The following SLC39A11 variants were observed in gnomAD, a reference collection of about 807,000 sequenced individuals.
SLC39A11 encodes solute carrier family 39 member 11.
SLC39A11 carries 33 observed loss-of-function variants against 36.1 expected under a neutral mutation model. The observed-to-expected ratio is 0.91, with a 90% confidence interval of 0.69 to 1.22. The LOEUF is 1.22. Among genes scored for constraint, SLC39A11 ranks in the 50% most tolerant of loss-of-function variants. The probability of loss-of-function intolerance (pLI) is 0.00; values close to 1 mark genes in which losing one functional copy is unlikely to be tolerated. For missense variants in SLC39A11, 432 were observed against 430.3 expected, an observed-to-expected ratio of 1.00 and a Z score of -0.03; for synonymous variants, 166 against 170.3, an observed-to-expected ratio of 0.97 and a Z score of 0.20.
chr17:72,959,239 T>C (rs1296828877), intron 4 of SLC39A11, among the ~76,000 whole-genome samples: 1 of 150,202 alleles, frequency 6.7e-6, no homozygotes, highest in Non-Finnish European at 1.5e-5. Flanking sequence ...CAGCACAATT[T>C]ACAACTGCAA....
chr17:73,009,334 G>T (rs1317603509), intron 4 of SLC39A11, among the ~76,000 whole-genome samples: 4 of 139,868 alleles, frequency 2.9e-5, no homozygotes, highest in African/African-American at 8.1e-5. Context: ...CATCCTGGGG[G>T]ACAGAGCGAG....
chr17:72,964,640 G>A (rs2086835381), intron 4 of SLC39A11, among the ~76,000 whole-genome samples: 1 of 152,308 alleles, frequency 6.6e-6, no homozygotes, highest in East Asian at 1.9e-4. Context: ...ATGAAACCAG[G>A]TAGAGTATGC....
At chr17:72,879,408 GATTCC>G (rs1183042922) in intron 5 of SLC39A11, among the ~76,000 whole-genome samples, 10 of 152,212 alleles carry the variant, frequency 6.6e-5, no homozygotes, top group Admixed American at 3.9e-4. Context: ...CAACTCCAGA[GATTCC>G]ATGGGTTTTA....
At chr17:72,826,946 C>T (rs2078054821) in intron 6 of SLC39A11, among the ~76,000 whole-genome samples, 1 of 152,140 alleles carries the variant, frequency 6.6e-6, no homozygotes, top group South Asian at 2.1e-4. Flanking sequence ...TTACATTTTC[C>T]TCAAAAGGGC....
At chr17:73,031,855 T>A in intron 3 of SLC39A11, 141 bp from the exon 4 acceptor site, 1 of 840,060 alleles carries the variant, frequency 1.2e-6, no homozygotes, top group Non-Finnish European at 1.8e-6. Flanking sequence ...TGGGAGGTAC[T>A]ATCAGAAACC....
Position 72,752,021 on chromosome 17 carries a change from G to A in SLC39A11, c.602-15302C>T, listed in dbSNP as rs1001668733. 1.7e-4 allele frequency among the ~76,000 whole-genome samples: 26 copies of A among 152,116 alleles called. 1 individual carries two copies. Among genetic ancestry groups the A allele is most frequent in the Non-Finnish European group, 3.4e-4 (23 of 68,020 alleles). On this transcript the variant is annotated intron_variant, in intron 6 of 9. Coordinates refer to ENST00000255559, the MANE Select transcript of SLC39A11 (RefSeq NM_139177.4). ...ACTGACTCCTCAGGTGTCTCGCAGAGCAGGACTCACACAGTATCTGTGATG... is the reference window on the plus strand; with the variant it reads ...ACTGACTCCTCAGGTGTCTCGCAGAACAGGACTCACACAGTATCTGTGATG...
chr17:72,720,451 C>T (rs769106848), intron 7 of SLC39A11, among the ~76,000 whole-genome samples: 10 of 152,104 alleles, frequency 6.6e-5, no homozygotes, highest in Non-Finnish European at 1.5e-4. Flanking sequence ...ACCTGGGCCC[C>T]GAGGCTTGGA....
chr17:72,894,327 A>T (rs974346718), intron 5 of SLC39A11, among the ~76,000 whole-genome samples: 1 of 128,932 alleles, frequency 7.8e-6, no homozygotes, highest in Non-Finnish European at 1.5e-5. Flanking sequence ...GTATCACTGC[A>T]CTCCAGCCTG....
intron 4 of SLC39A11, among the ~76,000 whole-genome samples, chr17:72,973,006 A>T (rs1215257450): frequency 6.6e-6 from 1 of 151,806 alleles, no homozygotes; most frequent in Non-Finnish European, 1.5e-5. Flanking sequence ...GAGCTCCTGG[A>T]CAGCGACCAC....
intron 5 of SLC39A11, among the ~76,000 whole-genome samples, chr17:72,944,436 C>A (rs1395367570): frequency 6.6e-6 from 1 of 152,128 alleles, no homozygotes; most frequent in African/African-American, 2.4e-5. Flanking sequence ...TGAGTGGGGA[C>A]AACTGAGACA....
At chr17:72,810,766 A>G (rs1055458504) in intron 6 of SLC39A11, among the ~76,000 whole-genome samples, 1 of 151,920 alleles carries the variant, frequency 6.6e-6, no homozygotes, top group Non-Finnish European at 1.5e-5. Flanking sequence ...GCTCACTACA[A>G]TCTCCACCTC....
At chr17:73,063,246 T>C (rs1194589596) in intron 3 of SLC39A11, among the ~76,000 whole-genome samples, 2 of 152,184 alleles carry the variant, frequency 1.3e-5, no homozygotes, top group African/African-American at 4.8e-5. Context: ...ATCAATTGGA[T>C]TGACTTGGCC....
At chr17:72,869,211 G>A (rs888424456) in intron 5 of SLC39A11, among the ~76,000 whole-genome samples, 1 of 152,200 alleles carries the variant, frequency 6.6e-6, no homozygotes, top group African/African-American at 2.4e-5. Context: ...GTAACAAGAA[G>A]CCCAGAGAAC....
chr17:72,831,132 T>C lies in SLC39A11; in HGVS notation c.601+18502A>G, dbSNP rs537478512. On this transcript the variant is annotated intron_variant, in intron 6 of 9. Transcript: ENST00000255559. The stretch of plus-strand genomic sequence containing the variant: ...CACCTGCAAACAGGATTCAGAGATT[T>C]TTTTTTTTCTCCCATCAGCATGCCC... Among the ~76,000 whole-genome samples, 5 of 151,976 alleles carry C rather than the reference T, an allele frequency of 3.3e-5. No individual in the cohort carries two copies. In the East Asian group the frequency reaches 7.7e-4, roughly 23 times the overall value.
intron 3 of SLC39A11, among the ~76,000 whole-genome samples, chr17:73,069,092 T>A (rs894793494): frequency 6.6e-5 from 10 of 152,068 alleles, no homozygotes; most frequent in Admixed American, 2.0e-4. Context: ...AATTTTCTGT[T>A]CCCTCTGCCT....
chr17:72,676,989 T>C (rs2144247195), intron 7 of SLC39A11, among the ~76,000 whole-genome samples: 1 of 152,334 alleles, frequency 6.6e-6, no homozygotes, highest in Admixed American at 6.5e-5. Flanking sequence ...CTTTTTTCTT[T>C]GCTGCTTTTG....
At chr17:72,756,946 G>A (rs1189100693) in intron 6 of SLC39A11, among the ~76,000 whole-genome samples, 1 of 149,872 alleles carries the variant, frequency 6.7e-6, no homozygotes, top group East Asian at 2.0e-4. Flanking sequence ...TCAGGAGTTT[G>A]AGACCAGCTT....
At chr17:72,860,923 G>A (rs945167359) in intron 5 of SLC39A11, among the ~76,000 whole-genome samples, 7 of 152,158 alleles carry the variant, frequency 4.6e-5, no homozygotes, top group Non-Finnish European at 7.3e-5. Flanking sequence ...GAGGGTAATA[G>A]TATTACCCAC....
At chr17:72,689,344 T>C (rs892921624) in intron 7 of SLC39A11, among the ~76,000 whole-genome samples, 1 of 152,220 alleles carries the variant, frequency 6.6e-6, no homozygotes, top group African/African-American at 2.4e-5. Flanking sequence ...TGGGTCTATG[T>C]GCAGCTATAG....
Sources: allele counts gnomAD v4.1 joint callset (sites outside exome capture counted in the v4.1 genomes callset), GRCh38; gene constraint gnomAD v4.1.1; transcripts MANE v1.5; gene names NCBI Gene and HGNC (gene_info 2026-07-23, HGNC 2026-07-21).